The following KCNN2 variants were observed in gnomAD, a reference collection of about 807,000 sequenced individuals.
KCNN2 encodes the protein small conductance calcium-activated potassium channel protein 2.
KCNN2 carries 24 observed loss-of-function variants against 55.5 expected under a neutral mutation model. That is an observed-to-expected ratio of 0.43 (90% confidence interval 0.31 to 0.61). The LOEUF (loss-of-function observed/expected upper bound fraction) is 0.61. KCNN2 is among the 20% of genes least tolerant of loss of function. KCNN2 has a pLI of 0.08. For missense variants in KCNN2, 754 were observed against 853.6 expected (o/e 0.88, Z 1.45); for synonymous variants, 431 against 336.1 (o/e 1.28, Z -3.09).
chr5:114,461,325 G>A (rs1158891948), intron 3 of KCNN2, among the ~76,000 whole-genome samples: 1 of 152,146 alleles, frequency 6.6e-6, no homozygotes, highest in Admixed American at 6.5e-5. Flanking sequence ...CTGGGGAGAG[G>A]GGACTTTACA....
At chr5:114,423,602 A>G (rs1008556941) in intron 3 of KCNN2, among the ~76,000 whole-genome samples, 1 of 152,218 alleles carries the variant, frequency 6.6e-6, no homozygotes, top group South Asian at 2.1e-4. Context: ...TATCTTATTT[A>G]CAAATATATA....
chr5:114,345,894 C>T (rs956999949), intron 2 of KCNN2, among the ~76,000 whole-genome samples: 3 of 152,188 alleles, frequency 2.0e-5, no homozygotes, highest in Admixed American at 2.0e-4. Context: ...GATTCTTCTG[C>T]CTCGGCATCC....
chr5:114,256,715 G>A (rs992451277), intron 2 of KCNN2, among the ~76,000 whole-genome samples: 14 of 151,892 alleles, frequency 9.2e-5, no homozygotes, highest in Non-Finnish European at 1.8e-4. Context: ...CTTATTAATG[G>A]GATTATTTGT....
intron 2 of KCNN2, among the ~76,000 whole-genome samples, chr5:114,380,635 G>T (rs897369555): frequency 6.6e-6 from 1 of 152,096 alleles, no homozygotes; most frequent in Non-Finnish European, 1.5e-5. Context: ...TCACACAAAC[G>T]GTAACATTAG....
chr5:114,476,088 C>T (rs1040850984), intron 5 of KCNN2, among the ~76,000 whole-genome samples: 17 of 151,526 alleles, frequency 1.1e-4, no homozygotes, highest in African/African-American at 4.1e-4. Flanking sequence ...GCACATTGTG[C>T]AGGTTAGTTA....
At chr5:114,162,170 A>T (rs1448743680) in intron 1 of KCNN2, among the ~76,000 whole-genome samples, 1 of 152,090 alleles carries the variant, frequency 6.6e-6, no homozygotes, top group Non-Finnish European at 1.5e-5. Flanking sequence ...TGATGTACAG[A>T]CGGGTTTTTG....
chr5:114,380,349 CACA>C (rs1313291097), intron 2 of KCNN2, among the ~76,000 whole-genome samples: 1 of 152,196 alleles, frequency 6.6e-6, no homozygotes, highest in African/African-American at 2.4e-5. Context: ...ATGGTGCTGT[CACA>C]ACAATTCTAA....
At chr5:114,158,760 A>T (rs1440516923) in intron 1 of KCNN2, among the ~76,000 whole-genome samples, 3 of 151,516 alleles carry the variant, frequency 2.0e-5, no homozygotes, top group Non-Finnish European at 4.4e-5. Flanking sequence ...ATTCTCTTTG[A>T]AGCAATTGTG....
chr5:114,404,375 T>C, intron 2 of KCNN2, 63 bp from the exon 3 acceptor site: 1 of 1,329,558 alleles, frequency 7.5e-7, no homozygotes, highest in South Asian at 1.3e-5. Context: ...TTTTAAAATC[T>C]GCACTAACAC....
At chr5:114,167,154 A>G (rs911638992) in intron 1 of KCNN2, among the ~76,000 whole-genome samples, 4 of 152,266 alleles carry the variant, frequency 2.6e-5, no homozygotes, top group African/African-American at 9.6e-5. Context: ...GTGAACTTTC[A>G]GATGATTTCA....
chr5:114,105,479 T>C (rs929316878), intron 1 of KCNN2, among the ~76,000 whole-genome samples: 1 of 152,176 alleles, frequency 6.6e-6, no homozygotes, highest in Middle Eastern at 3.4e-3. Context: ...TCAAACAAAA[T>C]TGAATTGATA....
At chr5:114,260,025 G>A (rs763631198) in intron 2 of KCNN2, among the ~76,000 whole-genome samples, 1 of 152,060 alleles carries the variant, frequency 6.6e-6, no homozygotes, top group South Asian at 2.1e-4. Context: ...TTCCCTCCCA[G>A]CCCTCGTCTG....
rs558151999 is a variant in KCNN2, at chr5:114,090,981, G to A, written c.-271+34481G>A. 4.6e-5 allele frequency among the ~76,000 whole-genome samples: 7 copies of A among 152,246 alleles called. No individual in the cohort carries two copies. In the South Asian group the frequency reaches 1.2e-3, roughly 27 times the overall value. ...GCCTTCTGAGTGGCTGGGACTACAG[G>A]CATGTACCATGCCCGGCTAATTTTA... On this transcript the variant is annotated intron_variant, in intron 1 of 10. Transcript: ENST00000512097.
At chr5:114,103,381 T>C (rs554004330) in intron 1 of KCNN2, among the ~76,000 whole-genome samples, 1 of 152,306 alleles carries the variant, frequency 6.6e-6, no homozygotes, top group Admixed American at 6.5e-5. Flanking sequence ...ACAGAGATAA[T>C]TTGACTTCTT....
intron 2 of KCNN2, among the ~76,000 whole-genome samples, chr5:114,284,873 C>T (rs1417232911): frequency 6.6e-6 from 1 of 152,000 alleles, no homozygotes; most frequent in East Asian, 1.9e-4. Flanking sequence ...TGAAATCTTC[C>T]TGTGTGTACC....
At position 114,362,258 on chromosome 5, in the gene KCNN2, C is replaced by A. The variant is rs1376508865; in HGVS notation, c.119C>A (p.Pro40His). The change falls in exon 1 of 8, where the codon CCC becomes CAC. Residue 40 changes from proline to histidine, a missense_variant. Pro to His is a moderately conservative substitution (Grantham distance 77). Coordinates refer to ENST00000673685, the MANE Select transcript of KCNN2 (RefSeq NM_021614.4). Reference protein sequence around the residue: ...QQQSQDKPCPPFAPLPHPHHH... With the variant: ...QQQSQDKPCPHFAPLPHPHHH... ...CAGAGCCAGGACAAGCCGTGCCCGC[C>A]CTTCGCGCCCCTCCCGCACCCTCAC... 4.0e-5 allele frequency: 7 copies of A among 175,908 alleles called. No homozygotes were observed. Among genetic ancestry groups the A allele is most frequent in the Non-Finnish European group, 8.3e-5 (7 of 84,170 alleles). 10.9% of individuals were successfully genotyped at this position (175,908 alleles called of 1,614,324 possible).
intron 1 of KCNN2, among the ~76,000 whole-genome samples, chr5:114,117,447 C>T (rs1327245601): frequency 6.6e-6 from 1 of 152,180 alleles, no homozygotes; most frequent in African/African-American, 2.4e-5. Flanking sequence ...GAGGGGCCAC[C>T]TGGGAGTAGT....
chr5:114,428,703 G>A (rs908768214), intron 3 of KCNN2, among the ~76,000 whole-genome samples: 2 of 152,010 alleles, frequency 1.3e-5, no homozygotes, highest in African/African-American at 4.8e-5. Context: ...AGTCTCATCA[G>A]TCTACCTATT....
chr5:114,105,422 G>A (rs1379959606), intron 1 of KCNN2, among the ~76,000 whole-genome samples: 2 of 152,028 alleles, frequency 1.3e-5, no homozygotes, highest in Admixed American at 6.6e-5. Flanking sequence ...AGTCTCATTT[G>A]CTTCTGGTAT....
Sources: allele counts gnomAD v4.1 joint callset (sites outside exome capture counted in the v4.1 genomes callset), GRCh38; gene constraint gnomAD v4.1.1; transcripts MANE v1.5; gene names NCBI Gene and HGNC (gene_info 2026-07-23, HGNC 2026-07-21).